The following EFHC1 variants were observed in gnomAD, a reference collection of about 807,000 sequenced individuals.
The protein encoded by EFHC1 is EF-hand domain-containing protein 1.
EFHC1 carries 53 observed loss-of-function variants against 69.9 expected under a neutral mutation model. That is an observed-to-expected ratio of 0.76 (90% confidence interval 0.61 to 0.95). EFHC1 has a LOEUF of 0.95. EFHC1 is among the 40% of genes least tolerant of loss of function. The probability of loss-of-function intolerance (pLI) is 0.00; values close to 1 mark genes in which losing one functional copy is unlikely to be tolerated. For synonymous variants in EFHC1, 256 were observed against 278.4 expected, an observed-to-expected ratio of 0.92 and a Z score of 0.80; for missense variants, 739 against 798.7, an observed-to-expected ratio of 0.93 and a Z score of 0.90.
At chr6:52,428,503 C>G (rs1764350814) in intron 2 of EFHC1, among the ~76,000 whole-genome samples, 1 of 152,186 alleles carries the variant, frequency 6.6e-6, no homozygotes, top group South Asian at 2.1e-4. Context: ...ATCCAAGTCA[C>G]TGTGAATGCT....
intron 6 of EFHC1, among the ~76,000 whole-genome samples, chr6:52,466,590 G>A (rs1290892301): frequency 2.0e-5 from 3 of 152,102 alleles, no homozygotes; most frequent in Non-Finnish European, 4.4e-5. Flanking sequence ...GTACTAGATT[G>A]TAACTCCCTT....
chr6:52,486,409 A>G lies in EFHC1; in HGVS notation c.1641-3731A>G, dbSNP rs563346275. ...CAGGAAATCCACATGTGTGAATAGCATAGATACATACACACATTTGTTCAT... is the reference window on the plus strand; with the variant it reads ...CAGGAAATCCACATGTGTGAATAGCGTAGATACATACACACATTTGTTCAT... On this transcript the variant is annotated intron_variant, in intron 9 of 10. Coordinates refer to ENST00000371068, the MANE Select transcript of EFHC1 (RefSeq NM_018100.4). The G allele has an allele frequency of 3.9e-5, 6 of 152,326 alleles. No individual in the cohort carries two copies. In the South Asian group the frequency reaches 8.3e-4, roughly 21 times the overall value. The allele number at this position is 152,326 out of a possible 1,614,324, so 9.4% of individuals were successfully genotyped here.
At chr6:52,429,465 T>A (rs1328645313) in intron 2 of EFHC1, among the ~76,000 whole-genome samples, 1 of 152,120 alleles carries the variant, frequency 6.6e-6, no homozygotes, top group Admixed American at 6.6e-5. Context: ...TTCCTCACTT[T>A]ATGTTTTTGT....
Position 52,438,610 on chromosome 6 carries a change from A to G in EFHC1, c.573+19A>G. ...CACACAGGTATAGCATATATTTTTG[A>G]AAGTTGTGGGGTCTGAGGCATCATT... On this transcript the variant is annotated intron_variant, in intron 3 of 10. Transcript: ENST00000371068. 1 of 1,613,508 alleles carries G rather than the reference A, an allele frequency of 6.2e-7. No homozygotes were observed. The highest frequency in any genetic ancestry group is 8.5e-7 in the Non-Finnish European group (1 of 1,179,602).
intron 3 of EFHC1, among the ~76,000 whole-genome samples, chr6:52,440,351 C>T (rs1764633480): frequency 6.6e-6 from 1 of 152,018 alleles, no homozygotes; most frequent in Admixed American, 6.6e-5. Context: ...TGCATTTTCT[C>T]CATGAGGTGT....
At chr6:52,441,049 A>G (rs1049033989) in intron 3 of EFHC1, among the ~76,000 whole-genome samples, 2 of 152,084 alleles carry the variant, frequency 1.3e-5, no homozygotes, top group Non-Finnish European at 2.9e-5. Flanking sequence ...TGTCAGATGC[A>G]TAGTTTGCAA....
intron 2 of EFHC1, among the ~76,000 whole-genome samples, chr6:52,437,233 G>A (rs1764553848): frequency 6.6e-6 from 1 of 152,130 alleles, no homozygotes; most frequent in Admixed American, 6.5e-5. Context: ...TTCTAAAGAA[G>A]TGCAATTAAC....
At chr6:52,475,759 G>A (rs1419379002) in intron 7 of EFHC1, among the ~76,000 whole-genome samples, 1 of 152,006 alleles carries the variant, frequency 6.6e-6, no homozygotes, top group Non-Finnish European at 1.5e-5. Flanking sequence ...GACTACTCTG[G>A]GCTAGATATG....
At chr6:52,461,441 A>T (rs963987277) in intron 5 of EFHC1, among the ~76,000 whole-genome samples, 2 of 152,128 alleles carry the variant, frequency 1.3e-5, no homozygotes, top group African/African-American at 4.8e-5. Flanking sequence ...TGGTGTATAT[A>T]TACCACATTT....
chr6:52,487,229 T>A (rs1765805409), intron 9 of EFHC1: 1 of 152,212 alleles, frequency 6.6e-6, no homozygotes, highest in South Asian at 2.1e-4. Context: ...GCTGACCCCT[T>A]GGTATAGTCT....
chr6:52,442,389 T>C (rs1474023469), intron 3 of EFHC1, among the ~76,000 whole-genome samples: 1 of 152,180 alleles, frequency 6.6e-6, no homozygotes, highest in Non-Finnish European at 1.5e-5. Context: ...GTTGGTGTGC[T>C]GTACCCATTA....
At chr6:52,478,963 C>T in intron 7 of EFHC1, 74 bp from the exon 8 acceptor site, 9 of 1,391,604 alleles carry the variant, frequency 6.5e-6, no homozygotes, top group Non-Finnish European at 9.1e-6. Flanking sequence ...TACCTGGCCC[C>T]TATAGGCATT....
At chr6:52,473,709 G>A (rs1227792868) in intron 7 of EFHC1, among the ~76,000 whole-genome samples, 2 of 151,978 alleles carry the variant, frequency 1.3e-5, no homozygotes, top group Admixed American at 6.6e-5. Context: ...TTGAGTCTGG[G>A]GGGCGGAGGT....
chr6:52,461,074 A>AT (rs912467959), intron 5 of EFHC1, among the ~76,000 whole-genome samples: 1 of 151,748 alleles, frequency 6.6e-6, no homozygotes, highest in Admixed American at 6.6e-5. Flanking sequence ...AGTTTTGAAA[A>AT]TTTTTTTTTA....
Position 52,438,423 on chromosome 6 carries a change from G to C in EFHC1, c.405G>C (p.Glu135Asp). Residue 135 changes from glutamate to aspartate, a missense_variant, in exon 3 of 11, where the codon GAG (glutamate) becomes GAC (aspartate). Transcript: ENST00000371068. ...AAGATGACAGCATGTCTGTCATAGA[G>C]CCTGTTGTAGAAAATTCTGGAATCC... Reference protein sequence around the residue: ...YLEDDSMSVIEPVVENSGILQ... With the variant: ...YLEDDSMSVIDPVVENSGILQ... 1 of 1,614,064 alleles carries C rather than the reference G, an allele frequency of 6.2e-7. No individual in the cohort carries two copies. Among genetic ancestry groups the C allele is most frequent in the East Asian group, 2.2e-5 (1 of 44,880 alleles).
At chr6:52,486,985 C>G (rs148740547) in intron 9 of EFHC1, 1 of 152,000 alleles carries the variant, frequency 6.6e-6, no homozygotes, top group East Asian at 1.9e-4. Flanking sequence ...GAATAGGGAG[C>G]TCATAATCTA....
In EFHC1 at chr6:52,421,890, A is replaced by G. The variant is rs80167352; in HGVS notation, c.63+1417A>G. ...CAGGGCTGAGTTGATACAGGGAATT[A>G]CAGAGGTGTGGATGGAAGTGCAAAG... On this transcript the variant is annotated intron_variant, in intron 1 of 10. Coordinates refer to ENST00000371068, the MANE Select transcript of EFHC1 (RefSeq NM_018100.4). 5.4e-3 allele frequency among the ~76,000 whole-genome samples: 825 copies of G among 152,372 alleles called. 4 individuals carry two copies. The highest frequency in any genetic ancestry group is 9.6e-3 in the Non-Finnish European group (655 of 68,038).
chr6:52,423,592 C>T, intron 1 of EFHC1: 2 of 503,712 alleles, frequency 4.0e-6, no homozygotes, highest in Non-Finnish European at 6.9e-6. Context: ...GCTTGGACCT[C>T]CCAGGCTCAA....
intron 3 of EFHC1, among the ~76,000 whole-genome samples, chr6:52,449,380 C>CAAA (rs141155248): frequency 3.8e-5 from 4 of 104,414 alleles, no homozygotes; most frequent in African/African-American, 9.6e-5. Context: ...GACTCCATCT[C>CAAA]AAAAAAAAAA....
Sources: gnomAD v4.1 joint callset for allele counts (sites outside exome capture counted in the v4.1 genomes callset) on GRCh38, gnomAD v4.1.1 for gene constraint, MANE v1.5 for transcripts, NCBI Gene and HGNC (gene_info 2026-07-23, HGNC 2026-07-21) for gene names.